Variants in STOX2 observed in about 807,000 individuals in gnomAD.
STOX2 encodes the protein storkhead-box protein 2.
Under a neutral mutation model 60.9 loss-of-function variants are expected in STOX2, and 28 were observed. The observed-to-expected ratio is 0.46, with a 90% CI of 0.34 to 0.63. The LOEUF (loss-of-function observed/expected upper bound fraction) is 0.63, where lower values mean the gene tolerates loss of function less well. Ranked by LOEUF, STOX2 falls within the 30% of genes least tolerant of loss-of-function variation. STOX2 has a pLI of 0.01. For missense variants in STOX2, 1,024 were observed against 1,187.7 expected, an observed-to-expected ratio of 0.86 and a Z score of 2.03; for synonymous variants, 472 against 463.9, an observed-to-expected ratio of 1.02 and a Z score of -0.22.
intron 1 of STOX2, among the ~76,000 whole-genome samples, chr4:183,835,502 G>A (rs567089596): frequency 1.3e-5 from 2 of 152,222 alleles, no homozygotes; most frequent in African/African-American, 4.8e-5. Flanking sequence ...GGGATTACAG[G>A]CGTGAGCCAC....
At chr4:183,861,020 TC>T (rs1579345864) in intron 1 of STOX2, among the ~76,000 whole-genome samples, 1 of 152,174 alleles carries the variant, frequency 6.6e-6, no homozygotes, top group East Asian at 1.9e-4. Flanking sequence ...GAGAAACAAA[TC>T]CTTTTCAGTT....
chr4:183,871,899 T>G (rs1360576915), intron 1 of STOX2, among the ~76,000 whole-genome samples: 1 of 152,082 alleles, frequency 6.6e-6, no homozygotes, highest in Non-Finnish European at 1.5e-5. Flanking sequence ...GTAAGAGAGA[T>G]AGAGGATCTT....
intron 1 of STOX2, among the ~76,000 whole-genome samples, chr4:183,818,954 G>A (rs182833889): frequency 0.021 from 3,139 of 151,360 alleles, 53 homozygotes; most frequent in Middle Eastern, 0.034. Context: ...ACTGGGCAGC[G>A]GGGCAGAGGG....
intron 1 of STOX2, among the ~76,000 whole-genome samples, chr4:183,828,922 G>T (rs1479373637): frequency 1.3e-5 from 2 of 152,216 alleles, no homozygotes; most frequent in Admixed American, 1.3e-4. Flanking sequence ...ACGGACGCCA[G>T]ACCTGGTGCT....
intron 1 of STOX2, among the ~76,000 whole-genome samples, chr4:183,892,315 G>C (rs1337513252): frequency 6.6e-6 from 1 of 152,190 alleles, no homozygotes; most frequent in Non-Finnish European, 1.5e-5. Context: ...GTCTCGCTCT[G>C]TCGCCCAGGC....
chr4:183,857,668 G>A (rs1337476485), intron 1 of STOX2, among the ~76,000 whole-genome samples: 1 of 152,114 alleles, frequency 6.6e-6, no homozygotes, highest in East Asian at 1.9e-4. Context: ...CCGGGCAGCT[G>A]TGGAATGGAG....
At chr4:183,918,856 C>G (rs1194665613) in intron 1 of STOX2, among the ~76,000 whole-genome samples, 1 of 152,176 alleles carries the variant, frequency 6.6e-6, no homozygotes, top group Non-Finnish European at 1.5e-5. Context: ...GGAGGAGCAG[C>G]GTGGGTTTTC....
chr4:183,799,395 C>T (rs1379746492), intron 1 of STOX2, among the ~76,000 whole-genome samples: 1 of 152,148 alleles, frequency 6.6e-6, no homozygotes, highest in East Asian at 1.9e-4. Flanking sequence ...GCTTTTGCCC[C>T]GTAGGACTGT....
At chr4:183,802,339 T>C (rs1738784197) in intron 1 of STOX2, among the ~76,000 whole-genome samples, 1 of 152,228 alleles carries the variant, frequency 6.6e-6, no homozygotes, top group African/African-American at 2.4e-5. Context: ...GTTGCTTTCT[T>C]GAAGTGATTT....
intron 1 of STOX2, among the ~76,000 whole-genome samples, chr4:183,968,648 A>G (rs1426957047): frequency 6.6e-6 from 1 of 152,024 alleles, no homozygotes; most frequent in East Asian, 1.9e-4. Context: ...GGCTGAAAAG[A>G]CCAACCCTTT....
rs1734054412 is a variant in STOX2 at position 184,009,737 on chromosome 4, A to G, written c.899A>G (p.Glu300Gly). Residue 300 changes from glutamate to glycine, a missense_variant, in exon 3 of 4, where the codon GAG (glutamate) becomes GGG (glycine). This residue lies in a region of STOX2 where 922 missense variants were observed against 1,058.3 expected (regional missense o/e 0.87). Coordinates refer to ENST00000308497, the MANE Select transcript of STOX2 (RefSeq NM_020225.3). This position sits in a 1 kb window ranked among gnomAD's most constrained non-coding sequence, Gnocchi z 4.0. ...CCTGAAGAGTGGCCCCTGCGAGACG[A>G]GGACACGCCAGCTACGATCCCTCGG... ...FPPEEWPLRDEDTPATIPREV... is the reference protein window; with the variant it reads ...FPPEEWPLRDGDTPATIPREV... 1 of 1,613,614 alleles carries G rather than the reference A, an allele frequency of 6.2e-7. No individual in the cohort carries two copies. The highest frequency in any genetic ancestry group is 8.5e-7 in the Non-Finnish European group (1 of 1,179,808).
chr4:183,837,551 C>T (rs200810188), intron 1 of STOX2, among the ~76,000 whole-genome samples: 3 of 151,876 alleles, frequency 2.0e-5, no homozygotes, highest in East Asian at 3.9e-4. Context: ...TTCTGCCTCT[C>T]GGGTTCAAGT....
At chr4:183,910,268 G>T (rs1741740219) in intron 1 of STOX2, among the ~76,000 whole-genome samples, 1 of 152,210 alleles carries the variant, frequency 6.6e-6, no homozygotes, top group Non-Finnish European at 1.5e-5. Flanking sequence ...TCTAAAAGTA[G>T]AAGTTACGAT....
At chr4:183,839,107 G>A (rs1739787257) in intron 1 of STOX2, among the ~76,000 whole-genome samples, 1 of 152,074 alleles carries the variant, frequency 6.6e-6, no homozygotes, top group East Asian at 1.9e-4. Flanking sequence ...GGGAAGAGTG[G>A]GTGCTGCAGA....
intron 1 of STOX2, among the ~76,000 whole-genome samples, chr4:183,838,307 ATACT>A (rs1265335118): frequency 2.0e-5 from 3 of 151,280 alleles, no homozygotes; most frequent in African/African-American, 7.3e-5. Flanking sequence ...ATATATTGAA[ATACT>A]TAAATAATTC....
At chr4:183,989,098 T>C (rs2111199509) in intron 1 of STOX2, among the ~76,000 whole-genome samples, 1 of 151,636 alleles carries the variant, frequency 6.6e-6, no homozygotes, top group Admixed American at 6.6e-5. Context: ...CAGATTTCCC[T>C]CAGCTGTATA....
intron 1 of STOX2, among the ~76,000 whole-genome samples, chr4:183,839,133 G>A (rs1247637345): frequency 6.6e-6 from 1 of 152,124 alleles, no homozygotes; most frequent in Non-Finnish European, 1.5e-5. Context: ...TCCAAAGGCA[G>A]TTGGCTAGCA....
intron 1 of STOX2, among the ~76,000 whole-genome samples, chr4:183,978,017 G>A (rs1268925029): frequency 6.6e-6 from 1 of 152,278 alleles, no homozygotes; most frequent in South Asian, 2.1e-4. Context: ...TGGATGCATA[G>A]TTTGCAAATA....
intron 1 of STOX2, among the ~76,000 whole-genome samples, chr4:183,895,644 C>CAGA (rs1741323975): frequency 6.6e-6 from 1 of 152,198 alleles, no homozygotes; most frequent in Non-Finnish European, 1.5e-5. Flanking sequence ...TCCTTAATGA[C>CAGA]AGAAGATTTT....
Sources: gnomAD v4.1 joint callset for allele counts (sites outside exome capture counted in the v4.1 genomes callset) on GRCh38, gnomAD v4.1.1 for gene constraint, gnomAD v4.1.1 regional missense constraint, Gnocchi (gnomAD v3.1) non-coding constraint, MANE v1.5 for transcripts, NCBI Gene and HGNC (gene_info 2026-07-23, HGNC 2026-07-21) for gene names.